Variants in GCNT1 observed in about 807,000 individuals in gnomAD.
GCNT1 encodes beta-1,3-galactosyl-O-glycosyl-glycoprotein beta-1,6-N-acetylglucosaminyltransferase.
GCNT1 carries 16 observed loss-of-function variants against 26.2 expected under a neutral mutation model. The observed-to-expected ratio is 0.61, with a 90% CI of 0.41 to 0.93. GCNT1 has a LOEUF of 0.93. Ranked by LOEUF, GCNT1 falls within the 40% of genes least tolerant of loss-of-function variation. The pLI is 0.00. For synonymous variants in GCNT1, 183 were observed against 190.8 expected (o/e 0.96, Z 0.34); for missense variants, 477 against 526.7 (o/e 0.91, Z 0.92).
At chr9:76,465,591 G>C (rs569532915) in intron 2 of GCNT1, among the ~76,000 whole-genome samples, 1 of 152,348 alleles carries the variant, frequency 6.6e-6, no homozygotes, top group African/African-American at 2.4e-5. Context: ...CAGGTCAAAA[G>C]GCTTCAGCCC....
chr9:76,426,388 C>A (rs187377655), intron 1 of GCNT1, among the ~76,000 whole-genome samples: 22 of 152,010 alleles, frequency 1.4e-4, no homozygotes, highest in Middle Eastern at 3.4e-3. Context: ...GGCAACATGG[C>A]GAAGCCCTGT....
intron 2 of GCNT1, among the ~76,000 whole-genome samples, chr9:76,497,379 CG>C (rs1221882579): frequency 1.3e-5 from 2 of 152,248 alleles, no homozygotes; most frequent in East Asian, 3.9e-4. Flanking sequence ...CTTAAGAAAA[CG>C]TTGTATGTCT....
rs976264838 is a variant in GCNT1, at chr9:76,505,986, T to A, written c.*2318T>A. The A allele has an allele frequency of 4.2e-5, 7 of 167,024 alleles. No individual in the cohort carries two copies. The highest frequency in any genetic ancestry group is 1.7e-4 in the African/African-American group (7 of 41,468). The allele number at this position is 167,024 out of a possible 1,614,324, so 10.3% of individuals were successfully genotyped here. On this transcript the variant is annotated 3_prime_UTR_variant, in exon 4 of 4. Coordinates refer to ENST00000376730, the MANE Select transcript of GCNT1 (RefSeq NM_001490.5). ...TTAAAAAGTGTTCAAACACTATCCC[T>A]AATGCCTGCGGCAGAATTTATATAC...
upstream of GCNT1, among the ~76,000 whole-genome samples, chr9:76,419,074 AT>A (rs1243768713): frequency 1.3e-5 from 2 of 152,142 alleles, no homozygotes; most frequent in Non-Finnish European, 2.9e-5. Context: ...CCAAAACACC[AT>A]ATTTTGGGGT....
upstream of GCNT1, among the ~76,000 whole-genome samples, chr9:76,416,070 T>C (rs1234406390): frequency 6.6e-6 from 1 of 152,068 alleles, no homozygotes; most frequent in Admixed American, 6.6e-5. Context: ...ATCCCTGTTT[T>C]CCCACTCCAA....
At chr9:76,494,116 T>G (rs1360172429) in intron 2 of GCNT1, among the ~76,000 whole-genome samples, 1 of 151,620 alleles carries the variant, frequency 6.6e-6, no homozygotes, top group Non-Finnish European at 1.5e-5. Context: ...CCCTGCTGAT[T>G]GGAATAGTTG....
intron 1 of GCNT1, among the ~76,000 whole-genome samples, chr9:76,447,589 A>C (rs1275760337): frequency 6.6e-6 from 1 of 152,156 alleles, no homozygotes; most frequent in African/African-American, 2.4e-5. Flanking sequence ...AATGTATGTA[A>C]ACACTAGGAC....
At chr9:76,470,105 T>G (rs1261937685) in intron 2 of GCNT1, among the ~76,000 whole-genome samples, 1 of 152,164 alleles carries the variant, frequency 6.6e-6, no homozygotes, top group Non-Finnish European at 1.5e-5. Context: ...AAGTCCTGTG[T>G]GTGTGTATAT....
chr9:76,502,358 G>A lies in GCNT1; in HGVS notation c.-24G>A. On this transcript the variant is annotated 5_prime_UTR_variant, in exon 4 of 4. Coordinates refer to ENST00000376730, the MANE Select transcript of GCNT1 (RefSeq NM_001490.5). ...AGCATAGAAGACTGCCCTTCACAAA[G>A]GAAATCCCTGATTATTGTTTGAAAT... 6.4e-7 allele frequency: 1 copy of A among 1,568,816 alleles called. No individual in the cohort carries two copies. The highest frequency in any genetic ancestry group is 8.7e-7 in the Non-Finnish European group (1 of 1,143,838).
At chr9:76,442,194 G>A (rs370015890) in exon 1 of GCNT1, 1 of 152,324 alleles carries the variant, frequency 6.6e-6, no homozygotes, top group Non-Finnish European at 1.5e-5. Context: ...GAGAGGCTTC[G>A]AGAAGCTAGA....
upstream of GCNT1, among the ~76,000 whole-genome samples, chr9:76,455,353 A>G (rs12351617): frequency 0.28 from 42,048 of 152,024 alleles, 6,142 homozygotes; most frequent in Non-Finnish European, 0.32. Context: ...ATTGATCAGT[A>G]GGGGCAAATG....
At chr9:76,416,599 G>A (rs1311355086), upstream of GCNT1, among the ~76,000 whole-genome samples, 3 of 152,208 alleles carry the variant, frequency 2.0e-5, no homozygotes, top group African/African-American at 7.2e-5. Context: ...GGTTTGAGTG[G>A]GGGGCTGAGT....
chr9:76,397,187 C>T, the GCNT1 span, among the ~76,000 whole-genome samples: 10 of 151,960 alleles, frequency 6.6e-5, no homozygotes, highest in East Asian at 3.9e-4. Context: ...GAGACTGGGG[C>T]GGAAGAATCG....
chr9:76,428,699 ATT>A (rs5898475), intron 1 of GCNT1, among the ~76,000 whole-genome samples: 17 of 130,100 alleles, frequency 1.3e-4, no homozygotes, highest in Admixed American at 2.4e-4. Flanking sequence ...TGCGTATTCT[ATT>A]TTTTTTTTTT....
rs778243635 is a variant in GCNT1 at position 76,433,212 on chromosome 9, G to T, written n.38+13325G>T. Among the ~76,000 whole-genome samples, 3 of 152,322 alleles carry T rather than the reference G, an allele frequency of 2.0e-5. 1 individual carries two copies. In the South Asian group the frequency reaches 6.2e-4, roughly 32 times the overall value. The stretch of plus-strand genomic sequence containing the variant: ...CAGGTACAAAGACGACAGTAACACT[G>T]TAGCCCTCTGCCCTGCCCCCTCTTC... On this transcript the variant is annotated intron_variant and non_coding_transcript_variant, in intron 1 of 3. Coordinates refer to the GCNT1 transcript ENST00000488136.
At chr9:76,485,390 T>C (rs985548667) in intron 2 of GCNT1, among the ~76,000 whole-genome samples, 4 of 152,064 alleles carry the variant, frequency 2.6e-5, no homozygotes, top group Non-Finnish European at 2.9e-5. Context: ...GCCAGCCTGG[T>C]CTTGAACTCC....
At chr9:76,394,246 G>C in the GCNT1 span, 1 of 1,447,360 alleles carries the variant, frequency 6.9e-7, no homozygotes, top group Non-Finnish European at 9.4e-7. Flanking sequence ...GCGGCGCCCA[G>C]ACCCCGGACC....
At chr9:76,414,265 T>G in the GCNT1 span, among the ~76,000 whole-genome samples, 1 of 152,192 alleles carries the variant, frequency 6.6e-6, no homozygotes, top group Admixed American at 6.5e-5. Context: ...GCCTTGTCAT[T>G]TTTTGCTGAA....
intron 2 of GCNT1, among the ~76,000 whole-genome samples, chr9:76,489,515 T>G (rs548590587): frequency 6.6e-6 from 1 of 152,154 alleles, no homozygotes; most frequent in Non-Finnish European, 1.5e-5. Context: ...TTTTATTCCT[T>G]TATTTGGACC....
Sources: gnomAD v4.1 joint callset for allele counts (sites outside exome capture counted in the v4.1 genomes callset) on GRCh38, gnomAD v4.1.1 for gene constraint, MANE v1.5 for transcripts, NCBI Gene and HGNC (gene_info 2026-07-23, HGNC 2026-07-21) for gene names.